OSR1: variants seen among roughly 807,000 people sequenced by gnomAD.
OSR1 encodes the protein odd-skipped related transcription factor 1, also known as protein odd-skipped-related 1.
Under a neutral mutation model 15.7 loss-of-function variants are expected in OSR1, and 3 were observed. The ratio of observed to expected loss-of-function variants is 0.19; its 90% confidence interval spans 0.09 to 0.50. The LOEUF (loss-of-function observed/expected upper bound fraction) is 0.50, where lower values mean the gene tolerates loss of function less well. Ranked by LOEUF, OSR1 falls within the 20% of genes least tolerant of loss-of-function variation. The pLI is 0.97. For synonymous variants in OSR1, 166 were observed against 152.7 expected, an observed-to-expected ratio of 1.09 and a Z score of -0.64; for missense variants, 271 against 351.1, an observed-to-expected ratio of 0.77 and a Z score of 1.82.
chr2:19,348,787 C>T (rs1166305129), downstream of OSR1, among the ~76,000 whole-genome samples: 2 of 152,238 alleles, frequency 1.3e-5, no homozygotes, highest in African/African-American at 4.8e-5. Flanking sequence ...GTTCTTTTCC[C>T]TGGAAGCACC....
Position 19,352,173 on chromosome 2 carries a change from C to A in OSR1, c.*102G>T. On this transcript the variant is annotated 3_prime_UTR_variant, in exon 3 of 3. Coordinates refer to ENST00000272223, the MANE Select transcript of OSR1 (RefSeq NM_145260.3). ...GGACAATGTTGGAGAGGTGGAAGGT[C>A]CCGAGCGAGCGCCTCTCCCGCTGCC... is the stretch of plus-strand genomic sequence containing the variant. 7.4e-7 allele frequency: 1 copy of A among 1,360,354 alleles called. No individual in the cohort carries two copies. The highest frequency in any genetic ancestry group is 1.0e-6 in the Non-Finnish European group (1 of 994,116). The allele number at this position is 1,360,354 out of a possible 1,614,324, so 84.3% of individuals were successfully genotyped here. A position where few individuals can be genotyped will look rare whatever the true frequency, so the allele number is the denominator to read the frequency against.
rs1664993695 is a variant in OSR1, at chr2:19,358,337, T to C, written c.-33+4A>G. The stretch of plus-strand genomic sequence containing the variant: ...TGAGCCCAGGCGCCCAGGACTGCAA[T>C]TACCTTGTTCCGCAGAGGTCCTGGG... On this transcript the variant is annotated splice_donor_region_variant and intron_variant, in intron 1 of 2. Transcript: ENST00000272223. 6.6e-6 allele frequency: 1 copy of C among 152,318 alleles called. No individual in the cohort carries two copies. Among genetic ancestry groups the C allele is most frequent in the Non-Finnish European group, 1.5e-5 (1 of 68,146 alleles). The allele number at this position is 152,318 out of a possible 1,614,324, so 9.4% of individuals were successfully genotyped here.
chr2:19,345,853 A>C, the OSR1 span, among the ~76,000 whole-genome samples: 1 of 152,244 alleles, frequency 6.6e-6, no homozygotes, highest in Non-Finnish European at 1.5e-5. Flanking sequence ...TTCTGGACCC[A>C]GGTTAATTAA....
downstream of OSR1, among the ~76,000 whole-genome samples, chr2:19,348,026 C>G (rs754768530): frequency 1.1e-4 from 16 of 152,262 alleles, no homozygotes; most frequent in Non-Finnish European, 1.8e-4. Flanking sequence ...GCAGCACTGG[C>G]CTGCGAGTTC....
downstream of OSR1, among the ~76,000 whole-genome samples, chr2:19,347,806 G>A (rs527769746): frequency 6.6e-6 from 1 of 152,350 alleles, no homozygotes; most frequent in East Asian, 1.9e-4. Context: ...GGACCGCGGC[G>A]CTGGACTGGG....
chr2:19,346,004 C>T, the OSR1 span, among the ~76,000 whole-genome samples: 2 of 152,166 alleles, frequency 1.3e-5, no homozygotes, highest in African/African-American at 4.8e-5. Context: ...TTCTTCCATG[C>T]CCCCTATAAA....
intron 2 of OSR1, 101 bp downstream of exon 2, chr2:19,353,040 G>C (rs1365690433): frequency 7.3e-7 from 1 of 1,373,516 alleles, no homozygotes; most frequent in Non-Finnish European, 9.9e-7. Flanking sequence ...TGAAGCTCCA[G>C]AGGCTTGGAG....
Position 19,352,323 on chromosome 2 carries a change from C to G in OSR1, c.753G>C (p.Thr251=), listed in dbSNP as rs1327712465. The part of the protein sequence containing the change: ...CQSRTLAVHK[T]LHSQVKELKT... ...TGAGCTCCTTCACCTGTGAGTGTAG[C>G]GTCTTGTGGACAGCGAGAGTCCTGG... The change falls in exon 3 of 3, where the codon ACG becomes ACC. Residue 251 remains threonine, a synonymous_variant. Transcript: ENST00000272223. The G allele has an allele frequency of 6.2e-7, 1 of 1,614,188 alleles. No homozygotes were observed. The highest frequency in any genetic ancestry group is 1.3e-5 in the African/African-American group (1 of 75,052).
chr2:19,351,357 C>A, downstream of OSR1: 1 of 152,598 alleles, frequency 6.6e-6, no homozygotes. Flanking sequence ...ACATCTCAGC[C>A]CTGTCATCCT....
At chr2:19,353,929 C>A (rs1330898880) in intron 1 of OSR1, 92 bp from the exon 2 acceptor site, 5 of 1,040,856 alleles carry the variant, frequency 4.8e-6, no homozygotes, top group Non-Finnish European at 5.5e-6. Flanking sequence ...GAGCCACACC[C>A]TCTCCTCACA....
downstream of OSR1, among the ~76,000 whole-genome samples, chr2:19,347,287 G>A (rs1205554543): frequency 6.6e-6 from 1 of 152,116 alleles, no homozygotes; most frequent in Non-Finnish European, 1.5e-5. Context: ...GTAGTTTTTG[G>A]TTCAAGCAGT....
rs1418104689 is a variant in OSR1, at chr2:19,352,263, C to A, written c.*12G>T. 1.9e-6 allele frequency: 3 copies of A among 1,613,798 alleles called. No individual in the cohort carries two copies. The highest frequency in any genetic ancestry group is 2.5e-6 in the Non-Finnish European group (3 of 1,179,870). ...CGCTGGGCCTAGGGTCCTTGTGACC[C>A]ACAGGTTCTATTTAGCATTTGATCT... On this transcript the variant is annotated 3_prime_UTR_variant, in exon 3 of 3. Coordinates refer to ENST00000272223, the MANE Select transcript of OSR1 (RefSeq NM_145260.3).
downstream of OSR1, among the ~76,000 whole-genome samples, chr2:19,350,979 C>G (rs1448484222): frequency 1.3e-5 from 2 of 152,024 alleles, no homozygotes; most frequent in African/African-American, 2.4e-5. Flanking sequence ...TATTTGCACC[C>G]GAGTGTTGAG....
At chr2:19,347,786 G>A (rs1427191795), downstream of OSR1, among the ~76,000 whole-genome samples, 2 of 152,174 alleles carry the variant, frequency 1.3e-5, no homozygotes, top group Non-Finnish European at 2.9e-5. Flanking sequence ...AGATCCCAGG[G>A]GCCTCTGTAG....
At chr2:19,347,683 G>A (rs1386412062), downstream of OSR1, among the ~76,000 whole-genome samples, 11 of 152,204 alleles carry the variant, frequency 7.2e-5, no homozygotes, top group Admixed American at 7.2e-4. Context: ...GACCGTCTGA[G>A]AGCTCTACCT....
rs774303008 is a variant in OSR1 at position 19,353,589 on chromosome 2, G to A, written c.217C>T (p.Pro73Ser). 2.5e-6 allele frequency: 4 copies of A among 1,614,078 alleles called. No individual in the cohort carries two copies. Residue 73 changes from proline (P) to serine (S), a missense_variant, in exon 2 of 3, where the codon CCG becomes TCG. This residue lies in a region of OSR1 where 210 missense variants were observed against 218.4 expected (regional missense o/e 0.96). Coordinates refer to ENST00000272223, the MANE Select transcript of OSR1 (RefSeq NM_145260.3). ...TCCACCAAGCTGGACACCGTGCCCG[G>A]CACTTTGGAGAAAGAAGAGCGCGGC... ...HLPRSSFSKV[P>S]GTVSSLVDAR...
rs1664873293 is a variant in OSR1 at position 19,353,188 on chromosome 2, G to A, written c.618C>T (p.Asp206=). 1.2e-6 allele frequency: 2 copies of A among 1,614,244 alleles called. No individual in the cohort carries two copies. The highest frequency in any genetic ancestry group is 1.7e-6 in the Non-Finnish European group (2 of 1,180,042). The change falls in exon 2 of 3, where the codon GAC becomes GAT. Residue 206 remains aspartate, a synonymous_variant. Transcript: ENST00000272223. The part of the protein sequence containing the change: ...THTDERPYTC[D]ICHKAFRRQD... ...GCCTCCGGAAGGCTTTGTGGCAGAT[G>A]TCACAGGTGTAGGGCCGCTCGTCGG... is the stretch of plus-strand genomic sequence containing the variant.
chr2:19,354,531 T>G (rs1664911770), intron 1 of OSR1: 1 of 152,158 alleles, frequency 6.6e-6, no homozygotes, highest in South Asian at 2.1e-4. Context: ...TGGCTGACCT[T>G]CGATTTGGCT....
chr2:19,346,433 A>C, the OSR1 span, among the ~76,000 whole-genome samples: 1 of 152,344 alleles, frequency 6.6e-6, no homozygotes, highest in South Asian at 2.1e-4. Context: ...TTGTGTGGCC[A>C]CTTTTTCTTT....
Sources: allele counts gnomAD v4.1 joint callset (sites outside exome capture counted in the v4.1 genomes callset), GRCh38; gene constraint gnomAD v4.1.1; regional missense constraint gnomAD v4.1.1; transcripts MANE v1.5; gene names NCBI Gene and HGNC (gene_info 2026-07-23, HGNC 2026-07-21).